Variants in UBL3 observed in about 807,000 individuals in gnomAD.
UBL3 encodes ubiquitin-like protein 3.
A neutral mutation model predicts 18.4 loss-of-function variants in UBL3; 6 were observed. The ratio of observed to expected loss-of-function variants is 0.33; its 90% CI spans 0.18 to 0.64. The LOEUF (loss-of-function observed/expected upper bound fraction) is 0.64. Among genes scored for constraint, UBL3 ranks in the 30% least tolerant of loss-of-function variants. The pLI is 0.76. For synonymous variants in UBL3, 49 were observed against 46.6 expected, an observed-to-expected ratio of 1.05 and a Z score of -0.21; for missense variants, 109 against 142.9, an observed-to-expected ratio of 0.76 and a Z score of 1.21.
chr13:29,767,395 G>T (rs765970817), intron 4 of UBL3, 88 bp from the exon 5 acceptor site: 35 of 1,473,494 alleles, frequency 2.4e-5, no homozygotes, highest in Non-Finnish European at 3.2e-5. Flanking sequence ...GGAAGTAGTA[G>T]TTTTGAGTTT....
intron 1 of UBL3, among the ~76,000 whole-genome samples, chr13:29,797,999 GTT>G (rs74542319): frequency 6.1e-5 from 9 of 146,646 alleles, no homozygotes; most frequent in Admixed American, 1.4e-4. Flanking sequence ...TCACAATGTA[GTT>G]TTTTTTTTTG....
At chr13:29,843,466 T>C (rs952126936) in intron 1 of UBL3, among the ~76,000 whole-genome samples, 2 of 152,134 alleles carry the variant, frequency 1.3e-5, no homozygotes, top group Non-Finnish European at 2.9e-5. Context: ...TTGCACTTGG[T>C]TTTAAGAGCT....
Position 29,776,523 on chromosome 13 carries a change from A to T in UBL3, c.136+632T>A, listed in dbSNP as rs1593650499. On this transcript the variant is annotated intron_variant, in intron 2 of 4. Transcript: ENST00000380680. ...AGCAATCCTCCTGCTTTGGTCTCCC[A>T]AAGTGCTGGGATTACAGGTATGAGC... Among the ~76,000 whole-genome samples, 3 of 152,162 alleles carry T rather than the reference A, an allele frequency of 2.0e-5. No homozygotes were observed. In the South Asian group the frequency reaches 6.2e-4, roughly 32 times the overall value.
At position 29,805,495 on chromosome 13, in the gene UBL3, G is replaced by A. The variant is rs563899347; in HGVS notation, c.28-28232C>T. Among the ~76,000 whole-genome samples, 10 of 152,216 alleles carry A rather than the reference G, an allele frequency of 6.6e-5. No homozygotes were observed. The South Asian group carries it at 8.3e-4, about 13-fold the overall frequency. On this transcript the variant is annotated intron_variant, in intron 1 of 4. Coordinates refer to ENST00000380680, the MANE Select transcript of UBL3 (RefSeq NM_007106.4). ...GCATGGGCATCTCCACTTAGAAAAC[G>A]GCTCTTACACCCCCAATACTACCTT...
intron 1 of UBL3, among the ~76,000 whole-genome samples, chr13:29,817,750 C>T (rs754276097): frequency 1.3e-5 from 2 of 152,066 alleles, no homozygotes; most frequent in African/African-American, 2.4e-5. Context: ...TAAACTTGTG[C>T]GTGTGGTAAA....
At chr13:29,797,135 A>G (rs914775856) in intron 1 of UBL3, among the ~76,000 whole-genome samples, 3 of 152,160 alleles carry the variant, frequency 2.0e-5, no homozygotes, top group Admixed American at 2.0e-4. Context: ...AAAAATTCTT[A>G]ATGTATTTTT....
intron 1 of UBL3, among the ~76,000 whole-genome samples, chr13:29,828,676 CGTCAAA>C (rs1565999628): frequency 1.3e-5 from 2 of 152,236 alleles, no homozygotes; most frequent in African/African-American, 2.4e-5. Context: ...TCTCTCAACT[CGTCAAA>C]GTCATTCTCC....
intron 1 of UBL3, among the ~76,000 whole-genome samples, chr13:29,785,094 T>C (rs1565991365): frequency 6.6e-6 from 1 of 152,170 alleles, no homozygotes; most frequent in South Asian, 2.1e-4. Context: ...TTAGTAGAGA[T>C]GGGGTTTCAC....
chr13:29,839,552 G>A (rs1879041777), intron 1 of UBL3, among the ~76,000 whole-genome samples: 1 of 152,172 alleles, frequency 6.6e-6, no homozygotes, highest in African/African-American at 2.4e-5. Context: ...TACTTGGGAG[G>A]CTAAGGAGGA....
At chr13:29,804,202 C>T (rs1877844085) in intron 1 of UBL3, among the ~76,000 whole-genome samples, 1 of 151,738 alleles carries the variant, frequency 6.6e-6, no homozygotes, top group African/African-American at 2.4e-5. Flanking sequence ...AATTGAACAA[C>T]CTACTCCTGA....
chr13:29,777,965 C>G (rs1877046349), intron 1 of UBL3, among the ~76,000 whole-genome samples: 1 of 152,136 alleles, frequency 6.6e-6, no homozygotes, highest in African/African-American at 2.4e-5. Flanking sequence ...TGAGGTTTCA[C>G]TATGTTGGCC....
chr13:29,794,154 A>G (rs1030448905), intron 1 of UBL3, among the ~76,000 whole-genome samples: 1 of 152,046 alleles, frequency 6.6e-6, no homozygotes. Flanking sequence ...CCTATTAGAT[A>G]TTATCTTATT....
At chr13:29,791,816 G>A (rs905831645) in intron 1 of UBL3, among the ~76,000 whole-genome samples, 1 of 152,042 alleles carries the variant, frequency 6.6e-6, no homozygotes, top group African/African-American at 2.4e-5. Flanking sequence ...AAATTATAAG[G>A]TCATCCTACA....
chr13:29,817,252 CAGTTACCATAGCTTGGTAT>C (rs1480817340), intron 1 of UBL3, among the ~76,000 whole-genome samples: 6 of 152,184 alleles, frequency 3.9e-5, no homozygotes, highest in Non-Finnish European at 8.8e-5. Flanking sequence ...GGGAAGTCTA[CAGTTACCATAGCTTGGTAT>C]GCAACACGCG....
In UBL3 at chr13:29,849,839, G is replaced by A. The variant is rs2090651896; in HGVS notation, c.-301C>T. 3.8e-6 allele frequency: 2 copies of A among 530,242 alleles called. No homozygotes were observed. The highest frequency in any genetic ancestry group is 1.9e-5 in the African/African-American group (1 of 52,006). 32.8% of individuals were successfully genotyped at this position (530,242 alleles called of 1,614,324 possible). On this transcript the variant is annotated 5_prime_UTR_variant, in exon 1 of 5. Transcript: ENST00000380680. ...GCAGCCCCAGGACCGGCCGCGCCAG[G>A]TGGACCGAGCCGAGTGACACACGGA...
At chr13:29,781,885 C>CT (rs1180492946) in intron 1 of UBL3, among the ~76,000 whole-genome samples, 1 of 143,474 alleles carries the variant, frequency 7.0e-6, no homozygotes, top group Non-Finnish European at 1.5e-5. Flanking sequence ...ATAGTACTAG[C>CT]TACTCTGGAG....
At chr13:29,777,701 G>A (rs1877037470) in intron 1 of UBL3, among the ~76,000 whole-genome samples, 1 of 151,952 alleles carries the variant, frequency 6.6e-6, no homozygotes, top group African/African-American at 2.4e-5. Context: ...ATAATTAAAA[G>A]AAAATAAACT....
chr13:29,842,507 C>T (rs1048522680), intron 1 of UBL3, among the ~76,000 whole-genome samples: 1 of 152,112 alleles, frequency 6.6e-6, no homozygotes, highest in African/African-American at 2.4e-5. Flanking sequence ...ATACGCTCTT[C>T]CTAGCTGCAA....
At chr13:29,807,574 G>A (rs957721824) in intron 1 of UBL3, among the ~76,000 whole-genome samples, 1 of 151,860 alleles carries the variant, frequency 6.6e-6, no homozygotes, top group Non-Finnish European at 1.5e-5. Flanking sequence ...TTATTCAGTA[G>A]TTATTATTAT....
Sources: allele counts gnomAD v4.1 joint callset (sites outside exome capture counted in the v4.1 genomes callset), GRCh38; gene constraint gnomAD v4.1.1; transcripts MANE v1.5; gene names NCBI Gene and HGNC (gene_info 2026-07-23, HGNC 2026-07-21).